The following DISP1 variants were observed in gnomAD, a reference collection of about 807,000 sequenced individuals.
The protein encoded by DISP1 is dispatched RND transporter family member 1, also known as protein dispatched homolog 1.
Under a neutral mutation model 37.3 loss-of-function variants are expected in DISP1, and 30 were observed. That is an observed-to-expected ratio of 0.80 (90% confidence interval 0.60 to 1.09). DISP1 has a LOEUF of 1.09. DISP1 is among the 50% of genes least tolerant of loss of function. The pLI is 0.00. For synonymous variants in DISP1, 634 were observed against 690.2 expected (o/e 0.92, Z 1.28); for missense variants, 1,598 against 1,879.5 (o/e 0.85, Z 2.77).
chr1:222,889,045 A>T (rs1670799675), intron 1 of DISP1, among the ~76,000 whole-genome samples: 2 of 152,134 alleles, frequency 1.3e-5, no homozygotes, highest in South Asian at 4.2e-4. Flanking sequence ...GTGTGTTGGG[A>T]ATGTTACTTT....
intron 1 of DISP1, among the ~76,000 whole-genome samples, chr1:222,860,370 T>C (rs1668810413): frequency 6.6e-6 from 1 of 152,126 alleles, no homozygotes. Flanking sequence ...ATTCTTTAAG[T>C]GATTCACTTG....
chr1:222,842,616 A>G (rs1667675031), intron 1 of DISP1, among the ~76,000 whole-genome samples: 1 of 152,060 alleles, frequency 6.6e-6, no homozygotes, highest in South Asian at 2.1e-4. Context: ...TGGTTTTATA[A>G]TCATAAACTG....
chr1:222,832,353 G>T (rs1665972842), intron 1 of DISP1, among the ~76,000 whole-genome samples: 2 of 152,082 alleles, frequency 1.3e-5, no homozygotes, highest in South Asian at 4.2e-4. Flanking sequence ...TGTCTGTGAT[G>T]ATAAATTTGT....
chr1:222,969,855 G>T (rs917502682), intron 3 of DISP1, among the ~76,000 whole-genome samples: 1 of 152,048 alleles, frequency 6.6e-6, no homozygotes, highest in Non-Finnish European at 1.5e-5. Flanking sequence ...AGGAAAATGT[G>T]TTAGTTTTAT....
At chr1:222,948,015 A>G (rs775120766) in intron 3 of DISP1, among the ~76,000 whole-genome samples, 1 of 152,192 alleles carries the variant, frequency 6.6e-6, no homozygotes, top group Non-Finnish European at 1.5e-5. Flanking sequence ...CAAAGGGAGT[A>G]AGAATCACAA....
At position 222,865,814 on chromosome 1, in the gene DISP1, C is replaced by T. The variant is rs142474563; in HGVS notation, c.-159+50736C>T. ...ACACACACAGATACACACACACATA[C>T]ACAGAATAATAACTATAAGAGGCGG... On this transcript the variant is annotated intron_variant, in intron 1 of 8. Coordinates refer to ENST00000675850, the MANE Select transcript of DISP1 (RefSeq NM_001377229.1). 3.2e-3 allele frequency among the ~76,000 whole-genome samples: 481 copies of T among 152,286 alleles called. 5 individuals carry two copies. Among genetic ancestry groups the T allele is most frequent in the Middle Eastern group, 6.8e-3 (2 of 294 alleles).
chr1:222,926,612 T>C (rs1673099445), intron 1 of DISP1, among the ~76,000 whole-genome samples: 1 of 152,178 alleles, frequency 6.6e-6, no homozygotes, highest in Non-Finnish European at 1.5e-5. Context: ...AAGATATATT[T>C]ATTGCTGATT....
At chr1:222,974,881 A>C (rs1370931607) in intron 3 of DISP1, among the ~76,000 whole-genome samples, 1 of 152,204 alleles carries the variant, frequency 6.6e-6, no homozygotes, top group Non-Finnish European at 1.5e-5. Context: ...TGCTCATCAA[A>C]GTGCGGATTT....
At chr1:222,989,699 C>G (rs1678543914) in intron 4 of DISP1, among the ~76,000 whole-genome samples, 1 of 152,116 alleles carries the variant, frequency 6.6e-6, no homozygotes, top group South Asian at 2.1e-4. Context: ...GATCAACTTC[C>G]ACTGACAAGA....
At chr1:222,826,931 G>A (rs574740012) in intron 1 of DISP1, among the ~76,000 whole-genome samples, 160 of 152,242 alleles carry the variant, frequency 1.1e-3, no homozygotes, top group African/African-American at 3.5e-3. Flanking sequence ...CCCTATTTAA[G>A]ATTTCTACAT....
chr1:222,819,649 C>G (rs1225186908), intron 1 of DISP1, among the ~76,000 whole-genome samples: 2 of 151,340 alleles, frequency 1.3e-5, no homozygotes, highest in African/African-American at 4.9e-5. Context: ...AAACGATGCT[C>G]CTGCCTCAGC....
chr1:222,815,997 A>G (rs1303250813), intron 1 of DISP1, among the ~76,000 whole-genome samples: 2 of 151,838 alleles, frequency 1.3e-5, no homozygotes, highest in African/African-American at 4.8e-5. Flanking sequence ...AATAAAGGCA[A>G]TTTTACATCA....
At chr1:222,858,394 C>T (rs1668671322) in intron 1 of DISP1, among the ~76,000 whole-genome samples, 1 of 152,082 alleles carries the variant, frequency 6.6e-6, no homozygotes, top group Non-Finnish European at 1.5e-5. Context: ...AAAATCTAGG[C>T]AATACCATTC....
chr1:222,878,852 A>C (rs116454996), intron 1 of DISP1, among the ~76,000 whole-genome samples: 1,757 of 152,306 alleles, frequency 0.012, 32 homozygotes, highest in African/African-American at 0.041. Context: ...GAGCTTAAAA[A>C]GATCTTTAAG....
At chr1:222,971,514 T>C (rs1237880260) in intron 3 of DISP1, among the ~76,000 whole-genome samples, 1 of 151,698 alleles carries the variant, frequency 6.6e-6, no homozygotes, top group Non-Finnish European at 1.5e-5. Flanking sequence ...ATGTGGGAAA[T>C]GAACTTAAGA....
rs145566637 is a variant in DISP1 at position 222,851,615 on chromosome 1, A to T, written c.-159+36537A>T. Among the ~76,000 whole-genome samples the T allele has an allele frequency of 5.6e-4, 86 of 152,304 alleles. 3 individuals are homozygous for T. In the East Asian group the frequency reaches 0.014, roughly 25 times the overall value. ...TAGAAAGGAACTTCATCCCCAGGTGATTCATTAATTGTGGCATCACTGTGT... is the reference window on the plus strand; with the variant it reads ...TAGAAAGGAACTTCATCCCCAGGTGTTTCATTAATTGTGGCATCACTGTGT... On this transcript the variant is annotated intron_variant, in intron 1 of 8. Transcript: ENST00000675850.
chr1:222,955,358 T>C (rs1675522596), intron 3 of DISP1, among the ~76,000 whole-genome samples: 1 of 152,214 alleles, frequency 6.6e-6, no homozygotes, highest in South Asian at 2.1e-4. Context: ...TTGTTGGAAT[T>C]ACAGGTGTGA....
intron 1 of DISP1, among the ~76,000 whole-genome samples, chr1:222,867,910 G>C (rs1485427567): frequency 9.2e-5 from 14 of 152,138 alleles, no homozygotes. Flanking sequence ...AGGCCAGTTG[G>C]TTGTTGCAGA....
At chr1:222,908,469 G>T (rs970341433) in intron 1 of DISP1, among the ~76,000 whole-genome samples, 1 of 152,126 alleles carries the variant, frequency 6.6e-6, no homozygotes, top group Non-Finnish European at 1.5e-5. Context: ...GCAGTGGTGC[G>T]ATCTCGGCTC....
Sources: allele counts gnomAD v4.1 joint callset (sites outside exome capture counted in the v4.1 genomes callset), GRCh38; gene constraint gnomAD v4.1.1; transcripts MANE v1.5; gene names NCBI Gene and HGNC (gene_info 2026-07-23, HGNC 2026-07-21).